CPNE8: variants seen among roughly 807,000 people sequenced by gnomAD.
The protein encoded by CPNE8 is copine 8, also known as copine-8.
In CPNE8, 45 loss-of-function variants were observed where a neutral mutation model predicts 81.5. That is an observed-to-expected ratio of 0.55 (90% confidence interval 0.44 to 0.71). The LOEUF (loss-of-function observed/expected upper bound fraction) is 0.71, where lower values mean the gene tolerates loss of function less well. CPNE8 is among the 30% of genes least tolerant of loss of function. The pLI, the probability that CPNE8 is intolerant of heterozygous loss-of-function variation, is 0.00. For missense variants in CPNE8, 594 were observed against 672.1 expected (o/e 0.88, Z 1.28); for synonymous variants, 252 against 226.3 (o/e 1.11, Z -1.02).
intron 6 of CPNE8, among the ~76,000 whole-genome samples, chr12:38,813,871 G>T (rs920393746): frequency 6.6e-6 from 1 of 152,202 alleles, no homozygotes; most frequent in African/African-American, 2.4e-5. Context: ...AGGAAGAGGA[G>T]ATTCAAGGAA....
chr12:38,732,549 C>T (rs1251383238), intron 10 of CPNE8, among the ~76,000 whole-genome samples: 1 of 151,910 alleles, frequency 6.6e-6, no homozygotes, highest in African/African-American at 2.4e-5. Context: ...TGTTTTTGTG[C>T]TGCCCACTTA....
intron 6 of CPNE8, among the ~76,000 whole-genome samples, chr12:38,784,879 A>C (rs568883213): frequency 6.6e-6 from 1 of 152,296 alleles, no homozygotes; most frequent in Non-Finnish European, 1.5e-5. Context: ...AGAAATGCTA[A>C]AGAGAATATC....
intron 15 of CPNE8, among the ~76,000 whole-genome samples, chr12:38,689,697 A>G (rs898627792): frequency 6.6e-6 from 1 of 152,258 alleles, no homozygotes; most frequent in Non-Finnish European, 1.5e-5. Flanking sequence ...ATGCAAGTGC[A>G]TTTAGGTATT....
intron 13 of CPNE8, among the ~76,000 whole-genome samples, chr12:38,712,753 T>A (rs1374612219): frequency 6.6e-6 from 1 of 152,130 alleles, no homozygotes; most frequent in Non-Finnish European, 1.5e-5. Context: ...AGAGTTGAGT[T>A]TGGGTTGGAG....
At chr12:38,685,893 G>GTT (rs1279490798) in intron 15 of CPNE8, among the ~76,000 whole-genome samples, 3 of 151,944 alleles carry the variant, frequency 2.0e-5, no homozygotes, top group Admixed American at 2.0e-4. Context: ...ATAAGAAGTT[G>GTT]AACACCACAA....
chr12:38,772,216 G>A (rs1361689569), intron 7 of CPNE8, among the ~76,000 whole-genome samples: 2 of 152,134 alleles, frequency 1.3e-5, no homozygotes, highest in Non-Finnish European at 2.9e-5. Flanking sequence ...CCACAAGCCA[G>A]TACCATGCTC....
intron 19 of CPNE8, among the ~76,000 whole-genome samples, chr12:38,661,809 G>T (rs1292697826): frequency 2.0e-5 from 3 of 151,262 alleles, no homozygotes; most frequent in Non-Finnish European, 4.4e-5. Flanking sequence ...TATACACCAT[G>T]ATCAAGTAGG....
chr12:38,783,460 T>G (rs957825590), intron 6 of CPNE8, among the ~76,000 whole-genome samples: 1 of 152,180 alleles, frequency 6.6e-6, no homozygotes, highest in Non-Finnish European at 1.5e-5. Context: ...CATTTCCGTG[T>G]GCTGGGGAGA....
At chr12:38,739,075 G>A (rs1941026997) in intron 10 of CPNE8, among the ~76,000 whole-genome samples, 1 of 152,040 alleles carries the variant, frequency 6.6e-6, no homozygotes, top group African/African-American at 2.4e-5. Context: ...GCTTCCCAAA[G>A]TGCTTGGATT....
At chr12:38,906,471 C>T, upstream of CPNE8, 1 of 985,646 alleles carries the variant, frequency 1.0e-6, no homozygotes, top group Non-Finnish European at 1.2e-6. Context: ...TCTTCTGGGT[C>T]CCTCGTTTCC....
At chr12:38,751,347 G>C (rs553780399) in intron 10 of CPNE8, among the ~76,000 whole-genome samples, 13 of 152,158 alleles carry the variant, frequency 8.5e-5, no homozygotes, top group African/African-American at 2.9e-4. Context: ...AATTGTTAAA[G>C]TCTCTGCCCC....
At chr12:38,752,379 T>A (rs1406913120) in intron 10 of CPNE8, among the ~76,000 whole-genome samples, 1 of 152,196 alleles carries the variant, frequency 6.6e-6, no homozygotes, top group Admixed American at 6.5e-5. Context: ...CTCCCACTGA[T>A]AATTAGTCAC....
At chr12:38,902,341 AAAGAAAG>A (rs1228277829) in intron 1 of CPNE8, among the ~76,000 whole-genome samples, 3 of 91,460 alleles carry the variant, frequency 3.3e-5, no homozygotes, top group African/African-American at 6.9e-5. Flanking sequence ...AGAAAGAAAG[AAAGAAAG>A]AAAGAAAGAA....
intron 2 of CPNE8, 111 bp from the exon 3 acceptor site, chr12:38,873,161 T>C (rs1944017145): frequency 1.5e-6 from 1 of 651,264 alleles, no homozygotes; most frequent in Non-Finnish European, 2.7e-6. Flanking sequence ...ATTAAATGCC[T>C]AATTCCTAGA....
intron 3 of CPNE8, among the ~76,000 whole-genome samples, chr12:38,862,474 T>A (rs1050135454): frequency 4.6e-5 from 7 of 152,192 alleles, no homozygotes; most frequent in African/African-American, 1.7e-4. Flanking sequence ...TATTTGCACC[T>A]TTTCTGTACG....
chr12:38,765,825 A>T (rs1423259562), intron 8 of CPNE8, among the ~76,000 whole-genome samples: 1 of 151,970 alleles, frequency 6.6e-6, no homozygotes, highest in Non-Finnish European at 1.5e-5. Flanking sequence ...ATTTTTCTTA[A>T]TATTTAGATT....
chr12:38,845,222 A>G (rs1271085083), intron 4 of CPNE8, among the ~76,000 whole-genome samples: 1 of 152,160 alleles, frequency 6.6e-6, no homozygotes, highest in Non-Finnish European at 1.5e-5. Context: ...ACCAGCATCA[A>G]TAAAGTTTCT....
chr12:38,670,889 A>G, intron 18 of CPNE8, 87 bp from the exon 19 acceptor site: 1 of 907,004 alleles, frequency 1.1e-6, no homozygotes, highest in Non-Finnish European at 1.7e-6. Flanking sequence ...AGATGTATGA[A>G]GTAGCAAAAT....
intron 6 of CPNE8, among the ~76,000 whole-genome samples, chr12:38,801,024 C>T (rs1166871153): frequency 2.0e-5 from 3 of 150,354 alleles, no homozygotes; most frequent in Non-Finnish European, 3.0e-5. Context: ...ACCACATCTA[C>T]GTCTGATTGG....
Sources: gnomAD v4.1 joint callset for allele counts (sites outside exome capture counted in the v4.1 genomes callset) on GRCh38, gnomAD v4.1.1 for gene constraint, MANE v1.5 for transcripts, NCBI Gene and HGNC (gene_info 2026-07-23, HGNC 2026-07-21) for gene names.